TRMO: variants seen among roughly 807,000 people sequenced by gnomAD.
The protein encoded by TRMO is tRNA methyltransferase O.
Under a neutral mutation model 37.2 loss-of-function variants are expected in TRMO, and 30 were observed. The ratio of observed to expected loss-of-function variants is 0.81; its 90% confidence interval spans 0.60 to 1.09. The LOEUF is 1.09. Among genes scored for constraint, TRMO ranks in the 50% least tolerant of loss-of-function variants. The pLI is 0.00. For synonymous variants in TRMO, 239 were observed against 199.4 expected (o/e 1.20, Z -1.67); for missense variants, 552 against 549.5 (o/e 1.00, Z -0.05).
At chr9:97,899,900 A>C (rs1012836734), downstream of TRMO, among the ~76,000 whole-genome samples, 1 of 152,106 alleles carries the variant, frequency 6.6e-6, no homozygotes, top group Non-Finnish European at 1.5e-5. Flanking sequence ...CTCCAAAAAA[A>C]AGAAAGAAAG....
intron 3 of TRMO, chr9:97,911,936 C>G (rs1826144028): frequency 1.3e-5 from 2 of 152,312 alleles, no homozygotes; most frequent in South Asian, 4.1e-4. Context: ...TGAGCTGGAA[C>G]TCTGGAAAGA....
In TRMO at chr9:97,916,339, C is replaced by T. The variant is rs1427621024; in HGVS notation, c.77-1G>A. 3.8e-6 allele frequency: 6 copies of T among 1,595,018 alleles called. No homozygotes were observed. The highest frequency in any genetic ancestry group is 5.1e-6 in the Non-Finnish European group (6 of 1,172,776). On this transcript the variant is annotated splice_acceptor_variant, in intron 1 of 4. Coordinates refer to ENST00000375119, the MANE Select transcript of TRMO (RefSeq NM_016481.5). LOFTEE classifies it high-confidence loss of function. Reference sequence around the variant, plus strand: ...CCGACTGGCTCAGTTAAAAGATTCCCTACAGGAGAAAATTAGGTAAAAAGT... The same window carrying T: ...CCGACTGGCTCAGTTAAAAGATTCCTTACAGGAGAAAATTAGGTAAAAAGT...
chr9:97,916,253 G>A lies in TRMO; in HGVS notation c.162C>T (p.Ser54=), dbSNP rs1564112140. The part of the protein sequence containing the change: ...NGTPRQPSIC[S]YSRACLRIRK... ...TAATCCTCAAACAGGCTCGAGAATA[G>A]CTACAAATGGATGGCTGTCTTGGAG... Residue 54 remains serine, a synonymous_variant, in exon 2 of 5, where the codon AGC becomes AGT. Transcript: ENST00000375119. 3.7e-6 allele frequency: 6 copies of A among 1,613,300 alleles called. No homozygotes were observed. The highest frequency in any genetic ancestry group is 5.1e-6 in the Non-Finnish European group (6 of 1,179,356).
the TRMO span, among the ~76,000 whole-genome samples, chr9:97,898,987 CT>C: frequency 1.3e-5 from 2 of 151,482 alleles, no homozygotes; most frequent in Non-Finnish European, 2.9e-5. Context: ...CTACAGGCGC[CT>C]GTCACCACAC....
chr9:97,922,442 A>G lies in TRMO; in HGVS notation c.52T>C (p.Cys18Arg), dbSNP rs758172189. 1.9e-6 allele frequency: 3 copies of G among 1,587,192 alleles called. No homozygotes were observed. Among genetic ancestry groups the G allele is most frequent in the African/African-American group, 1.3e-5 (1 of 74,632 alleles). ...CCTGTCTCCAGAGCCGGCTTAACGC[A>G]GCCGCACGGGGTCGCTGTAGGCCGA... ...GPRPTATPCG[C>R]VKPALETGNL... Residue 18 changes from cysteine to arginine, a missense_variant, in exon 1 of 5, where the codon TGC becomes CGC. Coordinates refer to ENST00000375119, the MANE Select transcript of TRMO (RefSeq NM_016481.5).
In TRMO at chr9:97,910,230, C is replaced by T. The variant is rs150271508; in HGVS notation, c.796G>A (p.Val266Met). 750 of 1,614,198 alleles carry T rather than the reference C, an allele frequency of 4.6e-4. No individual in the cohort carries two copies. The highest frequency in any genetic ancestry group is 1.8e-3 in the Middle Eastern group (11 of 6,062). ...LESRRDQSSS[V>M]AEEQIGPYCP... Reference sequence around the variant, plus strand: ...TATGGGCCAATTTGTTCTTCTGCCACGCTGGAACTCTGATCACGTCTTGAT... The same window carrying T: ...TATGGGCCAATTTGTTCTTCTGCCATGCTGGAACTCTGATCACGTCTTGAT... Residue 266 changes from valine to methionine, a missense_variant, in exon 4 of 5, where the codon GTG becomes ATG. Transcript: ENST00000375119.
chr9:97,915,350 A>G (rs1826307176), intron 2 of TRMO, among the ~76,000 whole-genome samples: 1 of 152,244 alleles, frequency 6.6e-6, no homozygotes, highest in African/African-American at 2.4e-5. Flanking sequence ...ATTTTAGGAC[A>G]TGCAGGCCAA....
rs1826220528 is a variant in TRMO, at chr9:97,913,462, T to C, written c.348A>G (p.Thr116=). The change falls in exon 3 of 5, where the codon ACA becomes ACG. Residue 116 remains threonine, a synonymous_variant. Coordinates refer to ENST00000375119, the MANE Select transcript of TRMO (RefSeq NM_016481.5). ...TTGCATTGGGACGATGAGGGCTCCTTGTGGAAAAAACTCCAGTCTTTGCAC... is the reference window on the plus strand; with the variant it reads ...TTGCATTGGGACGATGAGGGCTCCTCGTGGAAAAAACTCCAGTCTTTGCAC... ...LNGAKTGVFS[T]RSPHRPNAIG... 6.2e-7 allele frequency: 1 copy of C among 1,613,984 alleles called. No homozygotes were observed. Among genetic ancestry groups the C allele is most frequent in the Admixed American group, 1.7e-5 (1 of 59,992 alleles).
chr9:97,910,475 G>A lies in TRMO; in HGVS notation c.551C>T (p.Thr184Ile), dbSNP rs187040706. The A allele has an allele frequency of 1.4e-5, 22 of 1,614,204 alleles. No individual in the cohort carries two copies. The highest frequency in any genetic ancestry group is 3.3e-4 in the Middle Eastern group (2 of 6,062). The change falls in exon 4 of 5, where the codon ACA (threonine) becomes ATA (isoleucine). Residue 184 changes from threonine to isoleucine, a missense_variant. Transcript: ENST00000375119. ...ADFNLQNNQH[T>I]PNTVSQSDSK... ...GTCAGACTGGGACACAGTGTTTGGT[G>A]TATGTTGGTTATTCTGTAAATTAAA...
downstream of TRMO, among the ~76,000 whole-genome samples, chr9:97,903,416 A>G (rs7048255): frequency 0.72 from 110,362 of 152,250 alleles, 41,385 homozygotes; most frequent in East Asian, 0.92. Context: ...CAGGCAGCAG[A>G]ACTCATTTCA....
Position 97,910,529 on chromosome 9 carries a change from G to A in TRMO, c.497C>T (p.Pro166Leu), listed in dbSNP as rs373301254. ...IKPYIAEYDSPQNVMEPLADF... is the reference protein window; with the variant it reads ...IKPYIAEYDSLQNVMEPLADF... ...TGCTAAAGGCTCCATCACATTTTGC[G>A]GTGAGTCATACTCAGCTATGTAGGG... Residue 166 changes from proline to leucine, a missense_variant, in exon 4 of 5, where the codon CCG (proline) becomes CTG (leucine). Coordinates refer to ENST00000375119, the MANE Select transcript of TRMO (RefSeq NM_016481.5). The A allele has an allele frequency of 1.2e-4, 194 of 1,614,040 alleles. No individual in the cohort carries two copies. Among genetic ancestry groups the A allele is most frequent in the Non-Finnish European group, 1.6e-4 (184 of 1,180,040 alleles).
chr9:97,916,103 G>A, intron 2 of TRMO, 61 bp downstream of exon 2: 2 of 1,311,892 alleles, frequency 1.5e-6, no homozygotes, highest in Non-Finnish European at 2.1e-6. Context: ...TTCAACTAGA[G>A]TACTTTATTC....
chr9:97,902,767 T>A (rs1312514041), downstream of TRMO, among the ~76,000 whole-genome samples: 2 of 152,200 alleles, frequency 1.3e-5, no homozygotes, highest in East Asian at 3.8e-4. Flanking sequence ...CAAAATAACT[T>A]TTCAAAAGAA....
Position 97,908,728 on chromosome 9 carries a change from G to C in TRMO, c.1066+1232C>G, listed in dbSNP as rs1286188559. On this transcript the variant is annotated intron_variant, in intron 4 of 4. Coordinates refer to ENST00000375119, the MANE Select transcript of TRMO (RefSeq NM_016481.5). The stretch of plus-strand genomic sequence containing the variant: ...TGATTGCTTATTATACTTTTAATTT[G>C]TCTCTCTCCTCCCCATTAGAATGCA... 2.6e-5 allele frequency among the ~76,000 whole-genome samples: 4 copies of C among 152,032 alleles called. No homozygotes were observed. In the South Asian group the frequency reaches 6.2e-4, roughly 24 times the overall value.
Position 97,916,358 on chromosome 9 carries a change from A to G in TRMO, c.77-20T>C, listed in dbSNP as rs1351755169. The G allele has an allele frequency of 6.3e-7, 1 of 1,577,852 alleles. No individual in the cohort carries two copies. The highest frequency in any genetic ancestry group is 1.4e-5 in the African/African-American group (1 of 73,288). On this transcript the variant is annotated intron_variant, in intron 1 of 4. Coordinates refer to ENST00000375119, the MANE Select transcript of TRMO (RefSeq NM_016481.5). ...GATTCCCTACAGGAGAAAATTAGGT[A>G]AAAAGTTATTAGTCAAAAGGTCAAA...
intron 4 of TRMO, 46 bp downstream of exon 4, chr9:97,909,914 A>G (rs1228201884): frequency 2.8e-6 from 4 of 1,422,978 alleles, no homozygotes; most frequent in Non-Finnish European, 3.8e-6. Flanking sequence ...GCTAAATCTC[A>G]AAGTAAAAGT....
downstream of TRMO, chr9:97,900,652 G>T: frequency 2.8e-6 from 1 of 356,776 alleles, no homozygotes; most frequent in Non-Finnish European, 3.9e-6. Flanking sequence ...CGAGCAGCTT[G>T]AGCACGTTAC....
downstream of TRMO, among the ~76,000 whole-genome samples, chr9:97,901,782 T>G (rs1023643625): frequency 2.7e-5 from 4 of 148,692 alleles, no homozygotes; most frequent in African/African-American, 9.9e-5. Flanking sequence ...CTTGGATGGA[T>G]AAATAAAGTT....
chr9:97,897,178 A>G, the TRMO span, among the ~76,000 whole-genome samples: 1 of 152,272 alleles, frequency 6.6e-6, no homozygotes, highest in East Asian at 1.9e-4. Context: ...TTAAAAATAA[A>G]AACAGTCTCT....
Sources: allele counts gnomAD v4.1 joint callset (sites outside exome capture counted in the v4.1 genomes callset), GRCh38; gene constraint gnomAD v4.1.1; transcripts MANE v1.5; gene names NCBI Gene and HGNC (gene_info 2026-07-23, HGNC 2026-07-21).